TMEM163: variants seen among roughly 807,000 people sequenced by gnomAD.
TMEM163 encodes transmembrane protein 163.
In TMEM163, 17 loss-of-function variants were observed where a neutral mutation model predicts 29.3. The observed-to-expected ratio is 0.58, with a 90% CI of 0.40 to 0.87. TMEM163 has a LOEUF of 0.87. Ranked by LOEUF, TMEM163 falls within the 40% of genes least tolerant of loss-of-function variation. The pLI is 0.00. For synonymous variants in TMEM163, 157 were observed against 160.6 expected, an observed-to-expected ratio of 0.98 and a Z score of 0.17; for missense variants, 303 against 381.5, an observed-to-expected ratio of 0.79 and a Z score of 1.71.
intron 5 of TMEM163, among the ~76,000 whole-genome samples, chr2:134,471,414 A>G (rs1046326220): frequency 6.6e-6 from 1 of 152,224 alleles, no homozygotes; most frequent in African/African-American, 2.4e-5. Context: ...ACATGAGGAC[A>G]CATGAGGACA....
intron 4 of TMEM163, among the ~76,000 whole-genome samples, chr2:134,516,697 A>G (rs1680069910): frequency 9.6e-6 from 1 of 104,118 alleles, no homozygotes; most frequent in African/African-American, 3.2e-5. Context: ...ATATATATGC[A>G]TATATTCATA....
chr2:134,586,476 T>A (rs1681826658), intron 2 of TMEM163, among the ~76,000 whole-genome samples: 1 of 152,234 alleles, frequency 6.6e-6, no homozygotes, highest in Non-Finnish European at 1.5e-5. Context: ...TGCGTGCGTA[T>A]CTGTGTCCAC....
chr2:134,687,059 C>T (rs556436479), intron 2 of TMEM163, among the ~76,000 whole-genome samples: 2 of 152,244 alleles, frequency 1.3e-5, no homozygotes, highest in South Asian at 2.1e-4. Context: ...TTTGCTCTGG[C>T]GGAAGACACT....
Position 134,718,981 on chromosome 2 carries a change from G to A in TMEM163, c.-46C>T. The A allele has an allele frequency of 9.8e-7, 1 of 1,017,418 alleles. No homozygotes were observed. Among genetic ancestry groups the A allele is most frequent in the Non-Finnish European group, 1.2e-6 (1 of 851,126 alleles). 63.0% of individuals were successfully genotyped at this position (1,017,418 alleles called of 1,614,324 possible). ...GGCGGCGGCGACGACAAGCGCGGCG[G>A]GGACTCGAGTCAGAAGTGCGAGGCG... On this transcript the variant is annotated 5_prime_UTR_variant, in exon 1 of 8. Transcript: ENST00000281924.
intron 2 of TMEM163, among the ~76,000 whole-genome samples, chr2:134,606,120 T>C (rs529703674): frequency 6.2e-4 from 95 of 152,280 alleles, no homozygotes; most frequent in African/African-American, 2.0e-3. Context: ...ACTTAAAATA[T>C]GTGTTTTTGA....
chr2:134,502,031 C>T (rs571106954), intron 5 of TMEM163, among the ~76,000 whole-genome samples: 29 of 152,094 alleles, frequency 1.9e-4, no homozygotes, highest in Non-Finnish European at 3.7e-4. Context: ...TTCATCTTCC[C>T]TATAAAAACA....
intron 4 of TMEM163, among the ~76,000 whole-genome samples, chr2:134,530,421 G>A (rs1223828810): frequency 6.6e-6 from 1 of 152,126 alleles, no homozygotes; most frequent in Non-Finnish European, 1.5e-5. Flanking sequence ...GACTACAGGT[G>A]TGCAACACCA....
chr2:134,605,368 G>A (rs970516697), intron 2 of TMEM163, among the ~76,000 whole-genome samples: 5 of 152,104 alleles, frequency 3.3e-5, no homozygotes, highest in Non-Finnish European at 7.4e-5. Flanking sequence ...TAATAATAGA[G>A]AAAAGTTAAC....
chr2:134,495,370 G>A (rs772569468), intron 5 of TMEM163, among the ~76,000 whole-genome samples: 1 of 152,192 alleles, frequency 6.6e-6, no homozygotes, highest in African/African-American at 2.4e-5. Flanking sequence ...CAAATGGCAC[G>A]CTGTACTGTA....
chr2:134,572,147 G>A (rs1056406865), intron 2 of TMEM163, among the ~76,000 whole-genome samples: 3 of 152,126 alleles, frequency 2.0e-5, no homozygotes, highest in Non-Finnish European at 4.4e-5. Context: ...ACTGAGCCCT[G>A]AGACATGGAG....
intron 2 of TMEM163, among the ~76,000 whole-genome samples, chr2:134,600,213 A>C (rs1682196228): frequency 6.6e-6 from 1 of 152,234 alleles, no homozygotes; most frequent in Non-Finnish European, 1.5e-5. Context: ...TAAGCAAAAC[A>C]GGGAATTTGA....
chr2:134,522,157 G>A (rs1019030438), intron 4 of TMEM163, among the ~76,000 whole-genome samples: 2 of 151,888 alleles, frequency 1.3e-5, no homozygotes, highest in Admixed American at 6.6e-5. Context: ...AAGCTCCACT[G>A]ATGGCTCTAG....
intron 4 of TMEM163, among the ~76,000 whole-genome samples, chr2:134,534,779 T>C (rs7584013): frequency 0.025 from 3,861 of 151,946 alleles, 159 homozygotes; most frequent in African/African-American, 0.087. Flanking sequence ...TAAAATAAAA[T>C]AAAAATGAAT....
At chr2:134,521,853 C>T (rs768536090) in intron 4 of TMEM163, among the ~76,000 whole-genome samples, 3 of 152,168 alleles carry the variant, frequency 2.0e-5, no homozygotes, top group Non-Finnish European at 2.9e-5. Context: ...TGGGGAGACA[C>T]TCTGCCTACA....
At chr2:134,558,166 T>C (rs985975063) in intron 2 of TMEM163, among the ~76,000 whole-genome samples, 3 of 152,176 alleles carry the variant, frequency 2.0e-5, no homozygotes, top group Non-Finnish European at 2.9e-5. Context: ...CATCTAAGTT[T>C]CTGAATCCAT....
intron 5 of TMEM163, among the ~76,000 whole-genome samples, chr2:134,494,685 A>C (rs937695947): frequency 2.0e-5 from 3 of 152,190 alleles, no homozygotes; most frequent in African/African-American, 4.8e-5. Context: ...CATCCCCTAC[A>C]TCTTTTTATT....
chr2:134,464,464 C>A (rs1042118501), intron 6 of TMEM163, among the ~76,000 whole-genome samples: 1 of 152,206 alleles, frequency 6.6e-6, no homozygotes, highest in Non-Finnish European at 1.5e-5. Context: ...TAGTGGTCAA[C>A]TGATGAGTAT....
At chr2:134,472,087 C>T (rs1686816272) in intron 5 of TMEM163, among the ~76,000 whole-genome samples, 1 of 152,158 alleles carries the variant, frequency 6.6e-6, no homozygotes, top group Admixed American at 6.5e-5. Flanking sequence ...TCATTCAAAG[C>T]CAAGTATAAA....
intron 2 of TMEM163, among the ~76,000 whole-genome samples, chr2:134,686,159 C>A (rs555231408): frequency 8.5e-5 from 13 of 152,190 alleles, no homozygotes; most frequent in Non-Finnish European, 1.6e-4. Flanking sequence ...CCTCCCCACC[C>A]CAGCCTGATA....
Sources: gnomAD v4.1 joint callset for allele counts (sites outside exome capture counted in the v4.1 genomes callset) on GRCh38, gnomAD v4.1.1 for gene constraint, MANE v1.5 for transcripts, NCBI Gene and HGNC (gene_info 2026-07-23, HGNC 2026-07-21) for gene names.